Variants in CORO2B observed in about 807,000 individuals in gnomAD.
CORO2B encodes the protein coronin-2B.
CORO2B carries 26 observed loss-of-function variants against 58.8 expected under a neutral mutation model. The ratio of observed to expected loss-of-function variants is 0.44; its 90% CI spans 0.32 to 0.61. The LOEUF is 0.61. Among genes scored for constraint, CORO2B ranks in the 20% least tolerant of loss-of-function variants. The pLI is 0.04. For missense variants in CORO2B, 460 were observed against 645.1 expected (o/e 0.71, Z 3.11); for synonymous variants, 242 against 253.8 (o/e 0.95, Z 0.44).
chr15:68,705,500 T>A (rs8033001), intron 3 of CORO2B, among the ~76,000 whole-genome samples: 27,057 of 149,980 alleles, frequency 0.18, 3,040 homozygotes, highest in Non-Finnish European at 0.25. Context: ...GGGAGGGAAG[T>A]GGCTGGTATC....
chr15:68,719,190 A>G lies in CORO2B; in HGVS notation c.1127A>G (p.Glu376Gly), dbSNP rs1204074966. The change falls in exon 10 of 12, where the codon GAG (glutamate) becomes GGG (glycine). Residue 376 changes from glutamate to glycine, a missense_variant. This residue lies in a region of CORO2B where 352 missense variants were observed against 543.0 expected (regional missense o/e 0.65). Coordinates refer to ENST00000261861, the MANE Select transcript of CORO2B (RefSeq NM_006091.5). Reference protein sequence around the residue: ...EDIYPMTPGTEPALTPDEWLG... With the variant: ...EDIYPMTPGTGPALTPDEWLG... ...ATTTACCCAATGACACCAGGCACGG[A>G]GCCAGCACTGACCCCGGATGAATGG... The G allele has an allele frequency of 6.2e-7, 1 of 1,614,144 alleles. No individual in the cohort carries two copies. Among genetic ancestry groups the G allele is most frequent in the African/African-American group, 1.3e-5 (1 of 75,050 alleles).
chr15:68,567,584 T>A, the CORO2B span, among the ~76,000 whole-genome samples: 1 of 152,210 alleles, frequency 6.6e-6, no homozygotes, highest in African/African-American at 2.4e-5. Flanking sequence ...GTATAGGGCT[T>A]GCTGCCTGCA....
At chr15:68,628,526 T>C (rs1180086156) in intron 1 of CORO2B, among the ~76,000 whole-genome samples, 1 of 152,226 alleles carries the variant, frequency 6.6e-6, no homozygotes, top group Non-Finnish European at 1.5e-5. Context: ...TTTATCCATT[T>C]TGTAACAAGG....
the CORO2B span, among the ~76,000 whole-genome samples, chr15:68,564,260 C>A: frequency 6.6e-6 from 1 of 151,802 alleles, no homozygotes; most frequent in African/African-American, 2.4e-5. Context: ...TACCTAGACT[C>A]TGCTGTTAAT....
chr15:68,654,924 G>A (rs954281034), intron 2 of CORO2B, among the ~76,000 whole-genome samples: 6 of 152,206 alleles, frequency 3.9e-5, no homozygotes, highest in Admixed American at 2.0e-4. Context: ...GAGCTACCTC[G>A]AGGGGAAGGT....
intron 1 of CORO2B, among the ~76,000 whole-genome samples, chr15:68,603,929 A>G (rs952645613): frequency 3.3e-5 from 5 of 152,132 alleles, no homozygotes; most frequent in African/African-American, 1.2e-4. Flanking sequence ...GAAGAGTGCC[A>G]TGTTGTAGAA....
chr15:68,667,973 G>A (rs1902250102), intron 2 of CORO2B, among the ~76,000 whole-genome samples: 1 of 152,200 alleles, frequency 6.6e-6, no homozygotes, highest in Non-Finnish European at 1.5e-5. Flanking sequence ...CCACCTGGCA[G>A]GGTTGTCATG....
the CORO2B span, among the ~76,000 whole-genome samples, chr15:68,529,583 A>G: frequency 6.8e-6 from 1 of 148,014 alleles, no homozygotes; most frequent in Non-Finnish European, 1.5e-5. Context: ...CTCCTCTTTC[A>G]TTCATTATGT....
At chr15:68,641,391 C>T (rs1471566350) in intron 1 of CORO2B, 2 of 301,342 alleles carry the variant, frequency 6.6e-6, no homozygotes, top group Non-Finnish European at 9.8e-6. Flanking sequence ...ACCACAGATG[C>T]CTCCTTCCTG....
rs113487269 is a variant in CORO2B, at chr15:68,583,644, G to C, written c.15+4367G>C. On this transcript the variant is annotated intron_variant, in intron 1 of 11. Coordinates refer to ENST00000261861, the MANE Select transcript of CORO2B (RefSeq NM_006091.5). ...GGGGAGCAAAGTCCATAGGAGCCTT[G>C]CTATACCTACAGTCAGATGGCGAGG... Among the ~76,000 whole-genome samples, 97 of 152,324 alleles carry C rather than the reference G, an allele frequency of 6.4e-4. 1 individual carries two copies. Among genetic ancestry groups the C allele is most frequent in the African/African-American group, 2.2e-3 (92 of 41,566 alleles).
intron 1 of CORO2B, among the ~76,000 whole-genome samples, chr15:68,633,803 T>C (rs1210660517): frequency 6.6e-6 from 1 of 152,182 alleles, no homozygotes; most frequent in African/African-American, 2.4e-5. Context: ...TTCCATGCCA[T>C]CCCCTGGCTG....
chr15:68,707,248 G>A (rs895099748), intron 3 of CORO2B, among the ~76,000 whole-genome samples: 18 of 152,280 alleles, frequency 1.2e-4, no homozygotes, highest in African/African-American at 4.3e-4. Context: ...CCTATCAGAT[G>A]GGTAAAAATC....
intron 1 of CORO2B, among the ~76,000 whole-genome samples, chr15:68,638,602 A>G (rs1901110635): frequency 6.6e-6 from 1 of 152,100 alleles, no homozygotes; most frequent in Admixed American, 6.6e-5. Context: ...GGGGAGGGGT[A>G]AGAGTTGAGG....
chr15:68,626,225 C>T (rs141619351), intron 1 of CORO2B, among the ~76,000 whole-genome samples: 12 of 152,264 alleles, frequency 7.9e-5, no homozygotes, highest in South Asian at 2.1e-4. Context: ...AGAACCATAA[C>T]GCAGGAGGGG....
At chr15:68,584,787 A>G (rs59125363) in intron 1 of CORO2B, among the ~76,000 whole-genome samples, 3,071 of 152,260 alleles carry the variant, frequency 0.02, 116 homozygotes, top group African/African-American at 0.071. Flanking sequence ...GCTCAGGCCC[A>G]GGGTCCTGGA....
chr15:68,555,120 C>T, the CORO2B span, among the ~76,000 whole-genome samples: 22 of 152,248 alleles, frequency 1.4e-4, no homozygotes, highest in African/African-American at 4.6e-4. Flanking sequence ...CCTAGGGTCC[C>T]GCTGGGTGAC....
intron 1 of CORO2B, among the ~76,000 whole-genome samples, chr15:68,632,836 C>T (rs1900886434): frequency 1.3e-5 from 2 of 152,238 alleles, no homozygotes; most frequent in African/African-American, 2.4e-5. Flanking sequence ...AAGTGATCTG[C>T]CCGCCTTGGT....
intron 1 of CORO2B, among the ~76,000 whole-genome samples, chr15:68,601,178 AC>A (rs1407295841): frequency 1.3e-5 from 2 of 152,030 alleles, no homozygotes; most frequent in Non-Finnish European, 2.9e-5. Context: ...GCTCCTCCAC[AC>A]CCTCTCCCCT....
rs535353687 is a variant in CORO2B at position 68,684,486 on chromosome 15, G to A, written c.217-10654G>A. Among the ~76,000 whole-genome samples the A allele has an allele frequency of 4.2e-4, 64 of 152,338 alleles. 1 individual carries two copies. The highest frequency in any genetic ancestry group is 1.4e-3 in the African/African-American group (59 of 41,588). On this transcript the variant is annotated intron_variant, in intron 2 of 11. Transcript: ENST00000261861. ...CACAGGAGAGGAGCTTGTATGGCAC[G>A]TACATATGTGTGTGTGTGTTCACTT...
Sources: gnomAD v4.1 joint callset for allele counts (sites outside exome capture counted in the v4.1 genomes callset) on GRCh38, gnomAD v4.1.1 for gene constraint, gnomAD v4.1.1 regional missense constraint, MANE v1.5 for transcripts, NCBI Gene and HGNC (gene_info 2026-07-23, HGNC 2026-07-21) for gene names.